The following CACNA1B variants were observed in gnomAD, a reference collection of about 807,000 sequenced individuals.
CACNA1B encodes the protein calcium voltage-gated channel subunit alpha1 B.
A neutral mutation model predicts 247.2 loss-of-function variants in CACNA1B; 70 were observed. That is an observed-to-expected ratio of 0.28 (90% CI 0.23 to 0.35). The LOEUF (loss-of-function observed/expected upper bound fraction) is 0.35. CACNA1B is among the 10% of genes least tolerant of loss of function. CACNA1B has a pLI of 1.00. For synonymous variants in CACNA1B, 1,231 were observed against 1,294.4 expected, an observed-to-expected ratio of 0.95 and a Z score of 1.05; for missense variants, 2,367 against 3,197.4, an observed-to-expected ratio of 0.74 and a Z score of 6.26.
intron 20 of CACNA1B, among the ~76,000 whole-genome samples, chr9:138,041,912 A>C (rs1959128510): frequency 1.3e-5 from 2 of 151,814 alleles, no homozygotes; most frequent in African/African-American, 4.8e-5. Context: ...GCGCCAACAC[A>C]CCCTAATTTT....
intron 31 of CACNA1B, among the ~76,000 whole-genome samples, chr9:138,060,634 C>T (rs1333107626): frequency 6.6e-6 from 1 of 152,226 alleles, no homozygotes; most frequent in Admixed American, 6.5e-5. Context: ...CAGATGCTTC[C>T]AGCTCCCTGA....
chr9:137,999,445 C>A (rs571379155), intron 15 of CACNA1B, among the ~76,000 whole-genome samples: 1 of 150,790 alleles, frequency 6.6e-6, no homozygotes, highest in Non-Finnish European at 1.5e-5. Flanking sequence ...AAGAGGAATC[C>A]GAAACAACAC....
intron 1 of CACNA1B, among the ~76,000 whole-genome samples, chr9:137,878,743 C>T (rs1195314887): frequency 6.6e-6 from 1 of 152,058 alleles, no homozygotes; most frequent in African/African-American, 2.4e-5. Context: ...GGGCGCTCGG[C>T]CCCCTCCCCT....
intron 36 of CACNA1B, among the ~76,000 whole-genome samples, chr9:138,094,350 T>C (rs1286228943): frequency 6.6e-6 from 1 of 151,736 alleles, no homozygotes; most frequent in East Asian, 1.9e-4. Context: ...TATTCATGGT[T>C]GCACAACAGT....
intron 6 of CACNA1B, among the ~76,000 whole-genome samples, chr9:137,918,710 C>G (rs1454812451): frequency 6.6e-6 from 1 of 152,284 alleles, no homozygotes; most frequent in East Asian, 1.9e-4. Context: ...CTCATGCGTT[C>G]ATGGAGATAG....
rs1045804908 is a variant in CACNA1B at position 138,117,480 on chromosome 9, C to T, written c.5778-466C>T. Among the ~76,000 whole-genome samples, 5 of 152,342 alleles carry T rather than the reference C, an allele frequency of 3.3e-5. No homozygotes were observed. The East Asian group carries it at 9.6e-4, about 29-fold the overall frequency. ...GACAGCTTCTCTTGCTGTCTGCTGG[C>T]ATAGGCAGGACTTCTTCAGCTACTG... On this transcript the variant is annotated intron_variant, in intron 42 of 46. Coordinates refer to ENST00000371372, the MANE Select transcript of CACNA1B (RefSeq NM_000718.4).
chr9:137,986,693 G>A lies in CACNA1B; in HGVS notation c.1902-89G>A, dbSNP rs1958366137. The A allele has an allele frequency of 2.1e-6, 3 of 1,409,226 alleles. No homozygotes were observed. The highest frequency in any genetic ancestry group is 1.0e-6 in the Non-Finnish European group (1 of 994,604). 87.3% of individuals were successfully genotyped at this position (1,409,226 alleles called of 1,614,324 possible). On this transcript the variant is annotated intron_variant, in intron 14 of 46. Coordinates refer to ENST00000371372, the MANE Select transcript of CACNA1B (RefSeq NM_000718.4). The surrounding 1 kb of genome is among the most constrained non-coding windows in gnomAD (Gnocchi z 6.0). The stretch of plus-strand genomic sequence containing the variant: ...AGTGTGCAGCCATCTGCAGCCTGAA[G>A]CGAGCAGGTTGAGGCCACGCTGGAG...
rs117469597 is a variant in CACNA1B, at chr9:137,973,144, C to G, written c.1543+1552C>G. Reference sequence around the variant, plus strand: ...AGCCCAGTCGCGCATCTGCTGTGTGCGAGCACAGGGCTGGCAGTGTCCAGG... The same window carrying G: ...AGCCCAGTCGCGCATCTGCTGTGTGGGAGCACAGGGCTGGCAGTGTCCAGG... On this transcript the variant is annotated intron_variant, in intron 11 of 46. Coordinates refer to ENST00000371372, the MANE Select transcript of CACNA1B (RefSeq NM_000718.4). This position sits in a 1 kb window ranked among gnomAD's most constrained non-coding sequence, Gnocchi z 4.1. Among the ~76,000 whole-genome samples the G allele has an allele frequency of 3.2e-4, 48 of 152,274 alleles. No homozygotes were observed. The East Asian group carries it at 9.1e-3, about 29-fold the overall frequency.
chr9:138,104,177 A>C (rs1216276936), intron 38 of CACNA1B, among the ~76,000 whole-genome samples: 1 of 152,242 alleles, frequency 6.6e-6, no homozygotes. Context: ...TGCCCAGAGC[A>C]CTGCACCTTG....
At chr9:137,904,561 G>T (rs556120104) in intron 3 of CACNA1B, among the ~76,000 whole-genome samples, 1 of 151,722 alleles carries the variant, frequency 6.6e-6, no homozygotes, top group South Asian at 2.1e-4. Context: ...GTAGAGATGG[G>T]TCTCATATGT....
intron 6 of CACNA1B, among the ~76,000 whole-genome samples, chr9:137,949,269 G>A (rs1189969209): frequency 1.4e-3 from 9 of 6,474 alleles, no homozygotes; most frequent in East Asian, 8.9e-3. Context: ...GCGTGTGTGT[G>A]TCTGGTGTGT....
chr9:138,083,672 G>A (rs1321831066), intron 36 of CACNA1B, among the ~76,000 whole-genome samples: 2 of 149,176 alleles, frequency 1.3e-5, no homozygotes, highest in Non-Finnish European at 3.0e-5. Context: ...ATAGAGCATT[G>A]GCTCAGCTGA....
chr9:138,049,133 G>A (rs1029411946), intron 23 of CACNA1B, 76 bp from the exon 24 acceptor site: 13 of 972,192 alleles, frequency 1.3e-5, no homozygotes, highest in Non-Finnish European at 2.2e-5. Flanking sequence ...GAGATTACAG[G>A]CATGAGCCTC....
chr9:138,060,781 G>A (rs1395960770), intron 31 of CACNA1B, among the ~76,000 whole-genome samples: 1 of 152,204 alleles, frequency 6.6e-6, no homozygotes, highest in Non-Finnish European at 1.5e-5. Context: ...TCATTCTTTA[G>A]GATGGTGCTG....
Position 138,023,419 on chromosome 9 carries a change from C to A in CACNA1B, c.2676C>A (p.His892Gln). The A allele has an allele frequency of 4.6e-6, 6 of 1,295,124 alleles. No homozygotes were observed. The highest frequency in any genetic ancestry group is 5.8e-6 in the Non-Finnish European group (6 of 1,027,596). 80.2% of individuals were successfully genotyped at this position (1,295,124 alleles called of 1,614,324 possible). A position where few individuals can be genotyped will look rare whatever the true frequency, so the allele number is the denominator to read the frequency against. The change falls in exon 19 of 47, where the codon CAC (histidine) becomes CAA (glutamine). Residue 892 changes from histidine to glutamine, a missense_variant. By Grantham distance (24) the His-to-Gln change is conservative. This residue lies in a region of CACNA1B where 631 missense variants were observed against 631.1 expected (regional missense o/e 1.00). Transcript: ENST00000371372. Reference protein sequence around the residue: ...REERPRPHRSHSKEAAGPPEA... With the variant: ...REERPRPHRSQSKEAAGPPEA... Reference sequence around the variant, plus strand: ...AGCGGCCGCGGCCGCACCGCAGCCACAGCAAGGAGGCCGCGGGGCCCCCGG... The same window carrying A: ...AGCGGCCGCGGCCGCACCGCAGCCAAAGCAAGGAGGCCGCGGGGCCCCCGG...
chr9:138,120,110 A>G, intron 44 of CACNA1B, 55 bp from the exon 45 acceptor site: 2 of 1,446,236 alleles, frequency 1.4e-6, no homozygotes, highest in Non-Finnish European at 1.9e-6. Context: ...CCATGCCTGC[A>G]TTCCCGCTGA....
chr9:138,104,339 G>A (rs955109295), intron 38 of CACNA1B, among the ~76,000 whole-genome samples: 5 of 152,054 alleles, frequency 3.3e-5, no homozygotes, highest in African/African-American at 4.8e-5. Context: ...CTTCCTTCTT[G>A]TAAATCACCT....
intron 42 of CACNA1B, among the ~76,000 whole-genome samples, chr9:138,116,721 G>A (rs572858999): frequency 1.3e-5 from 2 of 152,302 alleles, no homozygotes; most frequent in East Asian, 1.9e-4. Flanking sequence ...TTTAGTGAGC[G>A]GGTTGAGCAC....
At chr9:137,951,545 C>A (rs1442878435) in intron 6 of CACNA1B, among the ~76,000 whole-genome samples, 3 of 152,190 alleles carry the variant, frequency 2.0e-5, no homozygotes, top group African/African-American at 7.2e-5. Context: ...CTCTCCAGCA[C>A]CAGACTTGCA....
Sources: allele counts gnomAD v4.1 joint callset (sites outside exome capture counted in the v4.1 genomes callset), GRCh38; gene constraint gnomAD v4.1.1; regional missense constraint gnomAD v4.1.1; non-coding constraint Gnocchi (gnomAD v3.1); transcripts MANE v1.5; gene names NCBI Gene and HGNC (gene_info 2026-07-23, HGNC 2026-07-21).